The following CEP83 variants were observed in gnomAD, a reference collection of about 807,000 sequenced individuals.
The protein encoded by CEP83 is centrosomal protein 83.
In CEP83, 70 loss-of-function variants were observed where a neutral mutation model predicts 101.9. That is an observed-to-expected ratio of 0.69 (90% CI 0.57 to 0.84). The LOEUF (loss-of-function observed/expected upper bound fraction) is 0.84. Ranked by LOEUF, CEP83 falls within the 40% of genes least tolerant of loss-of-function variation. The pLI, the probability that CEP83 is intolerant of heterozygous loss-of-function variation, is 0.00. For synonymous variants in CEP83, 264 were observed against 267.9 expected, an observed-to-expected ratio of 0.99 and a Z score of 0.14; for missense variants, 715 against 787.2, an observed-to-expected ratio of 0.91 and a Z score of 1.10.
At chr12:94,426,754 G>T (rs961961801) in intron 2 of CEP83, among the ~76,000 whole-genome samples, 1 of 152,176 alleles carries the variant, frequency 6.6e-6, no homozygotes, top group African/African-American at 2.4e-5. Context: ...ACAATCACAT[G>T]TATCCTTCTA....
chr12:94,279,714 C>T, the CEP83 span: 1 of 1,395,524 alleles, frequency 7.2e-7, no homozygotes, highest in South Asian at 1.2e-5. Context: ...CCTGCCCTCC[C>T]TCCCTGTCCC....
At chr12:94,361,469 T>A (rs1216447714) in intron 11 of CEP83, 1 of 152,116 alleles carries the variant, frequency 6.6e-6, no homozygotes, top group Non-Finnish European at 1.5e-5. Context: ...ATAGTAGCAT[T>A]GCACCTGTGA....
intron 8 of CEP83, among the ~76,000 whole-genome samples, chr12:94,373,833 T>C (rs1367547446): frequency 1.3e-5 from 2 of 152,228 alleles, no homozygotes; most frequent in African/African-American, 2.4e-5. Context: ...AACCATTTGC[T>C]AGAATTGCAA....
At chr12:94,390,307 G>A (rs73218255) in intron 6 of CEP83, among the ~76,000 whole-genome samples, 3 of 151,934 alleles carry the variant, frequency 2.0e-5, no homozygotes, top group Admixed American at 1.3e-4. Context: ...GTTCTGTGAC[G>A]TCTGCTGGTG....
the CEP83 span, among the ~76,000 whole-genome samples, chr12:94,270,824 C>G: frequency 1.3e-5 from 2 of 151,010 alleles, no homozygotes; most frequent in South Asian, 4.2e-4. Context: ...CCTTACTCTT[C>G]TGTTAGAGTA....
intron 6 of CEP83, among the ~76,000 whole-genome samples, chr12:94,380,084 A>AC (rs1443997180): frequency 7.9e-6 from 1 of 126,530 alleles, no homozygotes; most frequent in Non-Finnish European, 1.8e-5. Flanking sequence ...AAAAAAAAAA[A>AC]AAAAAACAAA....
At chr12:94,382,398 C>T (rs1210917096) in intron 6 of CEP83, among the ~76,000 whole-genome samples, 2 of 151,046 alleles carry the variant, frequency 1.3e-5, no homozygotes, top group Non-Finnish European at 3.0e-5. Context: ...TATTTTGATA[C>T]TCTTTTTCTA....
intron 1 of CEP83, among the ~76,000 whole-genome samples, chr12:94,442,592 T>C (rs1293195009): frequency 3.9e-5 from 6 of 152,218 alleles, no homozygotes; most frequent in African/African-American, 1.4e-4. Flanking sequence ...TGAAGACTCA[T>C]ATAAAGTAAA....
chr12:94,303,732 CTTTTTTTT>C, downstream of CEP83: 1 of 843,776 alleles, frequency 1.2e-6, no homozygotes, highest in Non-Finnish European at 1.5e-6. Context: ...GTGATGGTTG[CTTTTTTTT>C]TTTTTTTTTC....
At position 94,425,445 on chromosome 12, in the gene CEP83, T is replaced by C. The variant is rs112063955; in HGVS notation, c.-102+9830A>G. On this transcript the variant is annotated intron_variant, in intron 2 of 16. Coordinates refer to ENST00000397809, the MANE Select transcript of CEP83 (RefSeq NM_016122.3). The stretch of plus-strand genomic sequence containing the variant: ...ATCATGCCTTGTTATCCTACACTTA[T>C]AAAACCTGACTCAGGCCCCTGCTTT... 8.0e-3 allele frequency among the ~76,000 whole-genome samples: 1,217 copies of C among 152,310 alleles called. 9 individuals are homozygous for C. The highest frequency in any genetic ancestry group is 0.02 in the Middle Eastern group (6 of 294).
chr12:94,342,199 T>C (rs1189603982), intron 11 of CEP83, among the ~76,000 whole-genome samples: 1 of 152,214 alleles, frequency 6.6e-6, no homozygotes, highest in African/African-American at 2.4e-5. Context: ...TCCTAAGTAA[T>C]GCAGATCAAG....
chr12:94,445,219 T>A (rs2066708848), intron 1 of CEP83, among the ~76,000 whole-genome samples: 2 of 151,962 alleles, frequency 1.3e-5, no homozygotes, highest in Admixed American at 1.3e-4. Context: ...GTCAATTCAG[T>A]GAAGAAAGGA....
chr12:94,268,065 A>G, the CEP83 span, among the ~76,000 whole-genome samples: 1 of 152,182 alleles, frequency 6.6e-6, no homozygotes, highest in Admixed American at 6.5e-5. Context: ...ATCCTCACGA[A>G]CCACTTGAAA....
chr12:94,401,091 A>G, intron 5 of CEP83, 110 bp from the exon 6 acceptor site: 1 of 526,926 alleles, frequency 1.9e-6, no homozygotes, highest in Non-Finnish European at 3.0e-6. Flanking sequence ...AGCCACTCTA[A>G]AAGTAAAAAA....
At chr12:94,374,704 G>A (rs1175899029) in intron 8 of CEP83, among the ~76,000 whole-genome samples, 1 of 152,134 alleles carries the variant, frequency 6.6e-6, no homozygotes, top group Non-Finnish European at 1.5e-5. Context: ...CATAGTTATT[G>A]AGACAGTGAG....
chr12:94,323,311 G>C (rs946930117), intron 14 of CEP83, among the ~76,000 whole-genome samples: 1 of 152,116 alleles, frequency 6.6e-6, no homozygotes. Flanking sequence ...CTGCATTGCT[G>C]AGACTCCACA....
chr12:94,277,763 G>A, the CEP83 span: 5 of 360,350 alleles, frequency 1.4e-5, no homozygotes, highest in South Asian at 4.1e-5. Context: ...AATAGTAATT[G>A]TACAGGTTTT....
At chr12:94,377,582 T>C (rs896334926) in intron 7 of CEP83, among the ~76,000 whole-genome samples, 44 of 152,180 alleles carry the variant, frequency 2.9e-4, no homozygotes, top group African/African-American at 1.0e-3. Context: ...GCCAAGAAAG[T>C]TAAAGAAGAA....
intron 6 of CEP83, among the ~76,000 whole-genome samples, chr12:94,396,374 C>T (rs1209647506): frequency 1.3e-5 from 2 of 150,358 alleles, no homozygotes; most frequent in African/African-American, 4.9e-5. Flanking sequence ...CTGCAACCTC[C>T]ACCTCCTGGG....
Sources: allele counts gnomAD v4.1 joint callset (sites outside exome capture counted in the v4.1 genomes callset), GRCh38; gene constraint gnomAD v4.1.1; transcripts MANE v1.5; gene names NCBI Gene and HGNC (gene_info 2026-07-23, HGNC 2026-07-21).